ZNF75D: variants seen among roughly 807,000 people sequenced by gnomAD.
ZNF75D encodes the protein zinc finger protein 75.
ZNF75D carries 33 observed loss-of-function variants against 33.3 expected under a neutral mutation model. The ratio of observed to expected loss-of-function variants is 0.99; its 90% confidence interval spans 0.75 to 1.32. The LOEUF is 1.32. Among genes scored for constraint, ZNF75D ranks in the 40% most tolerant of loss-of-function variants. ZNF75D has a pLI of 0.00. For missense variants in ZNF75D, 338 were observed against 367.5 expected, an observed-to-expected ratio of 0.92 and a Z score of 0.66; for synonymous variants, 113 against 130.6, an observed-to-expected ratio of 0.87 and a Z score of 0.92.
chrX:135,342,764 G>C lies in ZNF75D; in HGVS notation c.-1387C>G, dbSNP rs1481003285. On this transcript the variant is annotated 5_prime_UTR_variant, in exon 1 of 7. Transcript: ENST00000370766. ...GCTCACAGTTTCAAGCACTAGCTGT[G>C]TGCCAGCAGTGCGATTATTACGGAC... 1 of 111,875 alleles carries C rather than the reference G, an allele frequency of 8.9e-6. No homozygotes were observed. Among genetic ancestry groups the C allele is most frequent in the African/African-American group, 3.3e-5 (1 of 30,684 alleles). 9.2% of individuals were successfully genotyped at this position (111,875 alleles called of 1,213,427 possible). A position where few individuals can be genotyped will look rare whatever the true frequency, so the allele number is the denominator to read the frequency against.
intron 1 of ZNF75D, among the ~76,000 whole-genome samples, chrX:135,337,384 T>C (rs1033435923): frequency 4.3e-4 from 48 of 112,228 alleles, no homozygotes; most frequent in African/African-American, 1.6e-3. Context: ...AATTTCATAA[T>C]GGCATAAAGC....
intron 1 of ZNF75D, among the ~76,000 whole-genome samples, chrX:135,277,839 T>C (rs1556417837): frequency 1.8e-5 from 2 of 112,024 alleles, no homozygotes; most frequent in African/African-American, 6.5e-5. Flanking sequence ...TCTGTTACAT[T>C]GGTCTATATA....
intron 1 of ZNF75D, among the ~76,000 whole-genome samples, chrX:135,328,738 C>T (rs1229713570): frequency 3.6e-5 from 4 of 112,430 alleles, no homozygotes; most frequent in Non-Finnish European, 7.5e-5. Context: ...CTCTTAAAGT[C>T]ACAGACAGGG....
At chrX:135,304,560 T>A in intron 1 of ZNF75D, among the ~76,000 whole-genome samples, 1 of 111,543 alleles carries the variant, frequency 9.0e-6, no homozygotes, top group Non-Finnish European at 1.9e-5. Context: ...GCATGGCACA[T>A]CTGCAAGCAG....
downstream of ZNF75D, among the ~76,000 whole-genome samples, chrX:135,285,017 T>G (rs1010115063): frequency 9.0e-6 from 1 of 111,685 alleles, no homozygotes; most frequent in Admixed American, 9.4e-5. Context: ...CTGCAGGAAT[T>G]TGAATTTCCC....
At chrX:135,294,356 C>T (rs2084094105) in intron 2 of ZNF75D, 98 bp from the exon 3 acceptor site, 1 of 322,820 alleles carries the variant, frequency 3.1e-6, no homozygotes, top group East Asian at 4.6e-5. Flanking sequence ...GAGAAAAGTT[C>T]CTGTCTGGCT....
intron 1 of ZNF75D, among the ~76,000 whole-genome samples, chrX:135,257,986 T>C (rs12852209): frequency 0.025 from 2,700 of 107,497 alleles, 42 homozygotes; most frequent in Middle Eastern, 0.057. Flanking sequence ...CAACAGGCCC[T>C]GGTGTGTGAT....
At chrX:135,263,416 C>T (rs1329143477) in intron 1 of ZNF75D, among the ~76,000 whole-genome samples, 1 of 113,101 alleles carries the variant, frequency 8.8e-6, no homozygotes, top group Admixed American at 9.3e-5. Context: ...TAAGCCCTAC[C>T]CACAGAGGTG....
At chrX:135,252,436 G>GC (rs1199400264) in intron 2 of ZNF75D, 1 of 72,382 alleles carries the variant, frequency 1.4e-5, no homozygotes, top group African/African-American at 5.6e-5. Context: ...ATGAGGCAGG[G>GC]CCAGGCATCA....
chrX:135,269,177 G>A lies in ZNF75D; in HGVS notation n.828-13400C>T, dbSNP rs185059312. On this transcript the variant is annotated intron_variant and non_coding_transcript_variant, in intron 1 of 3. Transcript: ENST00000494295. ...AGAAAACATTGGGGGAAATCTCCAG[G>A]ACGTTGGTCTGGGCAAAAATGTCTT... Among the ~76,000 whole-genome samples, 520 of 112,148 alleles carry A rather than the reference G, an allele frequency of 4.6e-3. 2 individuals carry two copies. The highest frequency in any genetic ancestry group is 7.6e-3 in the Non-Finnish European group (402 of 53,156).
chrX:135,329,567 C>A (rs2084626457), intron 1 of ZNF75D, among the ~76,000 whole-genome samples: 1 of 112,386 alleles, frequency 8.9e-6, no homozygotes, highest in South Asian at 3.6e-4. Flanking sequence ...AAATAGAGAA[C>A]CCCATCATCT....
intron 6 of ZNF75D, among the ~76,000 whole-genome samples, chrX:135,288,698 A>T (rs1294122202): frequency 8.9e-6 from 1 of 112,279 alleles, no homozygotes; most frequent in African/African-American, 3.2e-5. Context: ...TTATTAGCTG[A>T]TTTCACTCAC....
At chrX:135,277,014 C>T (rs1213866481) in intron 1 of ZNF75D, among the ~76,000 whole-genome samples, 2 of 111,745 alleles carry the variant, frequency 1.8e-5, no homozygotes, top group African/African-American at 3.3e-5. Flanking sequence ...CCCAGTAATG[C>T]GATTGCTGGG....
intron 1 of ZNF75D, among the ~76,000 whole-genome samples, chrX:135,264,365 G>A (rs1391721607): frequency 4.5e-5 from 5 of 111,640 alleles, no homozygotes; most frequent in African/African-American, 6.5e-5. Context: ...TCAACATGAC[G>A]TGTGGGTGCG....
At chrX:135,278,254 T>C (rs1246148718) in intron 1 of ZNF75D, among the ~76,000 whole-genome samples, 2 of 111,772 alleles carry the variant, frequency 1.8e-5, no homozygotes, top group Non-Finnish European at 3.8e-5. Context: ...TTGTAGCAAT[T>C]GTGAATGGGA....
chrX:135,278,916 T>C (rs1220984462), intron 1 of ZNF75D, among the ~76,000 whole-genome samples: 1 of 112,070 alleles, frequency 8.9e-6, no homozygotes, highest in Non-Finnish European at 1.9e-5. Flanking sequence ...GATTTTTTCA[T>C]TGATGTTTAT....
chrX:135,283,427 C>T (rs2083928204), downstream of ZNF75D, among the ~76,000 whole-genome samples: 2 of 112,067 alleles, frequency 1.8e-5, no homozygotes, highest in Admixed American at 9.4e-5. Flanking sequence ...TGAGGAACAG[C>T]TTCCTCCCCA....
chrX:135,315,520 C>T (rs988267009), intron 1 of ZNF75D, among the ~76,000 whole-genome samples: 5 of 111,994 alleles, frequency 4.5e-5, no homozygotes, highest in African/African-American at 9.7e-5. Context: ...ACCTGTCTAA[C>T]GCTGAGAGTG....
intron 1 of ZNF75D, among the ~76,000 whole-genome samples, chrX:135,269,350 A>T (rs1831706088): frequency 8.9e-6 from 1 of 112,493 alleles, no homozygotes; most frequent in East Asian, 2.8e-4. Flanking sequence ...CAAAGTGCCC[A>T]TCTGGCAAAG....
Sources: allele counts gnomAD v4.1 joint callset (sites outside exome capture counted in the v4.1 genomes callset), GRCh38; gene constraint gnomAD v4.1.1; transcripts MANE v1.5; gene names NCBI Gene and HGNC (gene_info 2026-07-23, HGNC 2026-07-21).